MAST2: variants seen among roughly 807,000 people sequenced by gnomAD.
MAST2 encodes the protein microtubule-associated serine/threonine-protein kinase 2.
A neutral mutation model predicts 147.4 loss-of-function variants in MAST2; 70 were observed. The ratio of observed to expected loss-of-function variants is 0.47; its 90% CI spans 0.39 to 0.58. MAST2 has a LOEUF of 0.58. Ranked by LOEUF, MAST2 falls within the 20% of genes least tolerant of loss-of-function variation. The pLI is 0.00. For synonymous variants in MAST2, 869 were observed against 896.8 expected (o/e 0.97, Z 0.55); for missense variants, 2,080 against 2,302.3 (o/e 0.90, Z 1.98).
At chr1:45,990,795 T>G (rs2149114284) in intron 5 of MAST2, among the ~76,000 whole-genome samples, 1 of 152,284 alleles carries the variant, frequency 6.6e-6, no homozygotes, top group African/African-American at 2.4e-5. Flanking sequence ...CAAGTATGTG[T>G]TTTTTACAGA....
intron 21 of MAST2, 98 bp from the exon 22 acceptor site, chr1:46,030,509 G>T: frequency 7.1e-7 from 1 of 1,412,048 alleles, no homozygotes; most frequent in Non-Finnish European, 9.5e-7. Context: ...GGAACCGACT[G>T]GTTCAAATTC....
Position 46,000,926 on chromosome 1 carries a change from G to A in MAST2, c.669-1879G>A, listed in dbSNP as rs749674821. ...AAGATCACTCTCTCTGGTTCCTTTG[G>A]TTCTCACTATAATGTGTATTTTTTT... On this transcript the variant is annotated intron_variant, in intron 6 of 28. Coordinates refer to ENST00000361297, the MANE Select transcript of MAST2 (RefSeq NM_015112.3). 1.0e-5 allele frequency: 13 copies of A among 1,286,072 alleles called. No homozygotes were observed. In the African/African-American group the frequency reaches 1.2e-4, roughly 12 times the overall value. 79.7% of individuals were successfully genotyped at this position (1,286,072 alleles called of 1,614,324 possible).
chr1:46,031,869 A>G lies in MAST2; in HGVS notation c.3187+284A>G, dbSNP rs1278611513. On this transcript the variant is annotated intron_variant, in intron 24 of 28. Transcript: ENST00000361297. This position sits in a 1 kb window ranked among gnomAD's most constrained non-coding sequence, Gnocchi z 4.1. The stretch of plus-strand genomic sequence containing the variant: ...TTGAGCAAGTTGCTTAACTTCTCTA[A>G]GCCTCAAGTTTCTTATCCAAAAATG... Among the ~76,000 whole-genome samples the G allele has an allele frequency of 6.6e-6, 1 of 152,234 alleles. No homozygotes were observed. The highest frequency in any genetic ancestry group is 6.5e-5 in the Admixed American group (1 of 15,284).
At chr1:45,868,357 A>G (rs1646245371) in intron 3 of MAST2, among the ~76,000 whole-genome samples, 1 of 151,940 alleles carries the variant, frequency 6.6e-6, no homozygotes, top group African/African-American at 2.4e-5. Flanking sequence ...TTTGTTATCA[A>G]CTCTCTTAGT....
intron 5 of MAST2, among the ~76,000 whole-genome samples, chr1:45,969,359 C>T (rs569063188): frequency 7.9e-5 from 12 of 152,224 alleles, no homozygotes; most frequent in Non-Finnish European, 1.3e-4. Context: ...AGCAGGGATC[C>T]GCAACCCCTG....
intron 4 of MAST2, among the ~76,000 whole-genome samples, chr1:45,956,135 C>A (rs1257130281): frequency 6.6e-6 from 1 of 152,072 alleles, no homozygotes; most frequent in Non-Finnish European, 1.5e-5. Flanking sequence ...CCTTGTGAGT[C>A]CCACCAGTGA....
intron 21 of MAST2, 184 bp downstream of exon 21, chr1:46,030,422 C>T: frequency 1.2e-6 from 1 of 841,710 alleles, no homozygotes; most frequent in Non-Finnish European, 1.8e-6. Context: ...ACTGCTGTCC[C>T]TGACATGAGA....
At chr1:45,917,533 G>C (rs757452644) in intron 4 of MAST2, 1 of 1,366,412 alleles carries the variant, frequency 7.3e-7, no homozygotes, top group Non-Finnish European at 9.8e-7. Context: ...CTGCCGTGGA[G>C]GTAAGGAAAC....
At chr1:46,008,427 C>A in intron 9 of MAST2, 56 bp downstream of exon 9, 3 of 1,188,776 alleles carry the variant, frequency 2.5e-6, no homozygotes, top group Non-Finnish European at 3.8e-6. Context: ...CTGCCTACAG[C>A]CAGCCCCAAT....
At chr1:45,997,203 C>T (rs753959289) in intron 5 of MAST2, among the ~76,000 whole-genome samples, 1 of 152,124 alleles carries the variant, frequency 6.6e-6, no homozygotes, top group African/African-American at 2.4e-5. Flanking sequence ...GCCTTGATTA[C>T]GAACTATCTT....
chr1:45,853,118 C>G (rs1000932926), intron 3 of MAST2, among the ~76,000 whole-genome samples: 1 of 151,628 alleles, frequency 6.6e-6, no homozygotes, highest in Non-Finnish European at 1.5e-5. Context: ...TTAGTAGAGA[C>G]AGGGTTTCAC....
At chr1:46,026,508 T>C (rs373820108) in intron 16 of MAST2, among the ~76,000 whole-genome samples, 1 of 152,014 alleles carries the variant, frequency 6.6e-6, no homozygotes, top group Non-Finnish European at 1.5e-5. Context: ...ACCAAAGATA[T>C]GATAGAATGG....
chr1:45,893,249 G>A (rs1648146755), intron 4 of MAST2, among the ~76,000 whole-genome samples: 1 of 152,088 alleles, frequency 6.6e-6, no homozygotes, highest in Admixed American at 6.6e-5. Context: ...TGCCCAGGCT[G>A]GAGTGCAGTG....
At chr1:45,992,560 G>A (rs1644892628) in intron 5 of MAST2, among the ~76,000 whole-genome samples, 1 of 152,108 alleles carries the variant, frequency 6.6e-6, no homozygotes. Context: ...GAATGAGTTA[G>A]GAATCATGTT....
chr1:45,864,659 T>C (rs1225826166), intron 3 of MAST2, among the ~76,000 whole-genome samples: 1 of 152,210 alleles, frequency 6.6e-6, no homozygotes, highest in Non-Finnish European at 1.5e-5. Flanking sequence ...TGGTTTTGTT[T>C]CTGGAAAGGA....
At chr1:45,812,178 C>T (rs1387851765) in intron 1 of MAST2, among the ~76,000 whole-genome samples, 3 of 152,244 alleles carry the variant, frequency 2.0e-5, no homozygotes, top group Non-Finnish European at 1.5e-5. Context: ...AGAAATCTTC[C>T]GAGTTTTCAG....
At chr1:45,844,471 A>G (rs556265313) in intron 3 of MAST2, among the ~76,000 whole-genome samples, 2 of 152,116 alleles carry the variant, frequency 1.3e-5, no homozygotes, top group East Asian at 1.9e-4. Context: ...TTTAGTAGAG[A>G]TGGTGTTTCA....
chr1:45,939,979 G>GTTTTTTTT (rs148351945), intron 4 of MAST2, among the ~76,000 whole-genome samples: 34 of 28,652 alleles, frequency 1.2e-3, no homozygotes, highest in East Asian at 5.7e-3. Context: ...ATTTATTTAG[G>GTTTTTTTT]GTTTTTTTTT....
intron 15 of MAST2, among the ~76,000 whole-genome samples, chr1:46,024,608 C>T (rs1156429250): frequency 6.6e-6 from 1 of 152,136 alleles, no homozygotes; most frequent in African/African-American, 2.4e-5. Flanking sequence ...TTACTTTACT[C>T]AGAAACTAAA....
Sources: gnomAD v4.1 joint callset for allele counts (sites outside exome capture counted in the v4.1 genomes callset) on GRCh38, gnomAD v4.1.1 for gene constraint, Gnocchi (gnomAD v3.1) non-coding constraint, MANE v1.5 for transcripts, NCBI Gene and HGNC (gene_info 2026-07-23, HGNC 2026-07-21) for gene names.